Variants in NRCAM observed in about 807,000 individuals in gnomAD.
NRCAM encodes NgCAM-related cell adhesion molecule.
NRCAM carries 83 observed loss-of-function variants against 156.5 expected under a neutral mutation model. That is an observed-to-expected ratio of 0.53 (90% CI 0.44 to 0.64). The LOEUF (loss-of-function observed/expected upper bound fraction) is 0.64. NRCAM is among the 30% of genes least tolerant of loss of function. The pLI, the probability that NRCAM is intolerant of heterozygous loss-of-function variation, is 0.00. For missense variants in NRCAM, 1,417 were observed against 1,597.3 expected, an observed-to-expected ratio of 0.89 and a Z score of 1.92; for synonymous variants, 538 against 563.9, an observed-to-expected ratio of 0.95 and a Z score of 0.65.
At chr7:108,294,248 G>A (rs2098406805) in intron 3 of NRCAM, among the ~76,000 whole-genome samples, 1 of 120,830 alleles carries the variant, frequency 8.3e-6, no homozygotes, top group Non-Finnish European at 1.6e-5. Context: ...GCTCTTGAGT[G>A]AACTCACAGT....
At chr7:108,172,714 C>T (rs756895110) in intron 28 of NRCAM, among the ~76,000 whole-genome samples, 6 of 152,202 alleles carry the variant, frequency 3.9e-5, no homozygotes, top group Non-Finnish European at 8.8e-5. Flanking sequence ...AAAGGTCTCG[C>T]GTATGTAATT....
intron 1 of NRCAM, among the ~76,000 whole-genome samples, chr7:108,401,652 C>T (rs769323424): frequency 6.6e-6 from 1 of 152,026 alleles, no homozygotes; most frequent in Non-Finnish European, 1.5e-5. Context: ...ACTCTCTGAC[C>T]TAGGTACTAT....
At chr7:108,360,218 A>C (rs1413327786) in intron 2 of NRCAM, among the ~76,000 whole-genome samples, 2 of 152,204 alleles carry the variant, frequency 1.3e-5, no homozygotes, top group Non-Finnish European at 2.9e-5. Flanking sequence ...AAATCTAGTC[A>C]ATTAAACAGA....
At chr7:108,234,716 A>C in intron 5 of NRCAM, 28 bp from the exon 6 acceptor site, 1 of 1,478,902 alleles carries the variant, frequency 6.8e-7, no homozygotes, top group Non-Finnish European at 9.4e-7. Context: ...AAAAATGTAA[A>C]AAAACAAATT....
intron 1 of NRCAM, among the ~76,000 whole-genome samples, chr7:108,452,865 G>A (rs1189116221): frequency 6.6e-5 from 10 of 152,300 alleles, no homozygotes; most frequent in Non-Finnish European, 5.9e-5. Context: ...TAAGGAAAAA[G>A]CCTCAGTGCC....
intron 1 of NRCAM, among the ~76,000 whole-genome samples, chr7:108,401,850 C>T (rs1469884206): frequency 6.6e-6 from 1 of 152,178 alleles, no homozygotes; most frequent in East Asian, 1.9e-4. Context: ...TCTACTTTAT[C>T]TTTTTTGTCT....
rs1360453144 is a variant in NRCAM, at chr7:108,378,565, A to G, written c.-174+20871T>C. Among the ~76,000 whole-genome samples, 5 of 151,946 alleles carry G rather than the reference A, an allele frequency of 3.3e-5. No individual in the cohort carries two copies. In the East Asian group the frequency reaches 9.6e-4, roughly 29 times the overall value. ...GATACATAAAGAAATAGTGCCTAAG[A>G]ATTCTTCAGAATAGATGAAATACAC... On this transcript the variant is annotated intron_variant, in intron 2 of 32. Transcript: ENST00000379028.
chr7:108,281,884 G>A (rs1015645404), intron 3 of NRCAM, among the ~76,000 whole-genome samples: 1 of 152,182 alleles, frequency 6.6e-6, no homozygotes, highest in Admixed American at 6.5e-5. Flanking sequence ...GAAGATTTTT[G>A]ATTAAACACA....
At chr7:108,257,128 G>A (rs1402408332) in intron 3 of NRCAM, among the ~76,000 whole-genome samples, 1 of 151,952 alleles carries the variant, frequency 6.6e-6, no homozygotes, top group African/African-American at 2.4e-5. Flanking sequence ...GAAGAGAAAG[G>A]AAGGAAGGAA....
intron 2 of NRCAM, among the ~76,000 whole-genome samples, chr7:108,338,932 T>C (rs1489813243): frequency 1.3e-5 from 2 of 151,884 alleles, no homozygotes; most frequent in Admixed American, 6.6e-5. Context: ...GCATTCAATC[T>C]GTAGTGGCAA....
At chr7:108,337,279 A>C (rs2099206827) in intron 2 of NRCAM, among the ~76,000 whole-genome samples, 3 of 151,730 alleles carry the variant, frequency 2.0e-5, no homozygotes, top group South Asian at 4.2e-4. Flanking sequence ...AAAAAAAAAA[A>C]ACCACGGCTA....
At chr7:108,163,790 G>A (rs1470739103) in intron 30 of NRCAM, among the ~76,000 whole-genome samples, 1 of 145,132 alleles carries the variant, frequency 6.9e-6, no homozygotes, top group Non-Finnish European at 1.5e-5. Flanking sequence ...GGTAATGAGA[G>A]GTCATACCGG....
At chr7:108,242,592 T>C (rs1398739155) in intron 3 of NRCAM, among the ~76,000 whole-genome samples, 1 of 152,180 alleles carries the variant, frequency 6.6e-6, no homozygotes, top group Non-Finnish European at 1.5e-5. Flanking sequence ...AAGTTAAAAA[T>C]AAACGTCACA....
intron 3 of NRCAM, among the ~76,000 whole-genome samples, chr7:108,288,946 T>C (rs2098195742): frequency 6.6e-6 from 1 of 152,152 alleles, no homozygotes; most frequent in South Asian, 2.1e-4. Flanking sequence ...GGCTTTTCTA[T>C]ATTTTTATTT....
chr7:108,275,103 G>A (rs1429875149), intron 3 of NRCAM, among the ~76,000 whole-genome samples: 5 of 152,136 alleles, frequency 3.3e-5, no homozygotes, highest in African/African-American at 1.2e-4. Flanking sequence ...TGCTCGTGGT[G>A]GATAAGCTTT....
At chr7:108,350,732 ATTGT>A (rs1201061230) in intron 2 of NRCAM, among the ~76,000 whole-genome samples, 2 of 152,122 alleles carry the variant, frequency 1.3e-5, no homozygotes, top group Admixed American at 1.3e-4. Context: ...ACCTTAACTT[ATTGT>A]TTTTCTTTTT....
At chr7:108,291,365 G>A (rs778619048) in intron 3 of NRCAM, among the ~76,000 whole-genome samples, 8 of 152,112 alleles carry the variant, frequency 5.3e-5, no homozygotes, top group Non-Finnish European at 8.8e-5. Context: ...AATAGCCAGC[G>A]AACAAGCAAA....
intron 2 of NRCAM, among the ~76,000 whole-genome samples, chr7:108,357,061 T>C (rs1282763399): frequency 1.3e-5 from 2 of 152,176 alleles, no homozygotes; most frequent in Non-Finnish European, 2.9e-5. Flanking sequence ...AGACACAGAA[T>C]CTGACAGCAC....
chr7:108,326,166 TGTG>T (rs1412743540), intron 2 of NRCAM, among the ~76,000 whole-genome samples: 1 of 152,220 alleles, frequency 6.6e-6, no homozygotes, highest in African/African-American at 2.4e-5. Flanking sequence ...ACACATGTTT[TGTG>T]TTCAATAAGA....
Sources: gnomAD v4.1 joint callset for allele counts (sites outside exome capture counted in the v4.1 genomes callset) on GRCh38, gnomAD v4.1.1 for gene constraint, MANE v1.5 for transcripts, NCBI Gene and HGNC (gene_info 2026-07-23, HGNC 2026-07-21) for gene names.